SERPINE3: variants seen among roughly 807,000 people sequenced by gnomAD.
The protein encoded by SERPINE3 is serpin E3.
A neutral mutation model predicts 41.7 loss-of-function variants in SERPINE3; 43 were observed. The ratio of observed to expected loss-of-function variants is 1.03; its 90% CI spans 0.81 to 1.33. The LOEUF (loss-of-function observed/expected upper bound fraction) is 1.33, where lower values mean the gene tolerates loss of function less well. SERPINE3 is among the 40% of genes most tolerant of loss of function. SERPINE3 has a pLI of 0.00. For synonymous variants in SERPINE3, 200 were observed against 192.2 expected, an observed-to-expected ratio of 1.04 and a Z score of -0.34; for missense variants, 440 against 491.7, an observed-to-expected ratio of 0.89 and a Z score of 0.99.
intron 7 of SERPINE3, among the ~76,000 whole-genome samples, chr13:51,359,168 C>G (rs1005791108): frequency 2.6e-5 from 4 of 152,012 alleles, no homozygotes; most frequent in Non-Finnish European, 4.4e-5. Flanking sequence ...GCTGTCAACA[C>G]TTCAGGGGAG....
At position 51,355,100 on chromosome 13, in the gene SERPINE3, C is replaced by T. The variant is rs1304587020; in HGVS notation, c.957C>T (p.Thr319=). 7.1e-6 allele frequency: 11 copies of T among 1,551,266 alleles called. No homozygotes were observed. The highest frequency in any genetic ancestry group is 2.7e-5 in the African/African-American group (2 of 73,294). ...LKSILNSWGV[T]DLFDPLKANL... ...GCATTTTAAATTCTTGGGGAGTCAC[C>T]GATCTTTTTGATCCACTCAAAGCTA... is the stretch of plus-strand genomic sequence containing the variant. Residue 319 remains threonine (T), a synonymous_variant, in exon 7 of 10, where the codon ACC becomes ACT. Transcript: ENST00000681248.
chr13:51,351,886 TA>T (rs1955406595), intron 6 of SERPINE3, among the ~76,000 whole-genome samples: 1 of 152,128 alleles, frequency 6.6e-6, no homozygotes. Context: ...TATCATTTGT[TA>T]AAATGATTTT....
intron 7 of SERPINE3, among the ~76,000 whole-genome samples, chr13:51,359,941 G>A (rs935956063): frequency 2.0e-5 from 3 of 152,012 alleles, no homozygotes; most frequent in Non-Finnish European, 4.4e-5. Context: ...TTTAGGACAA[G>A]TGACACTAGT....
At chr13:51,345,468 C>T (rs1483426633) in intron 4 of SERPINE3, among the ~76,000 whole-genome samples, 6 of 151,928 alleles carry the variant, frequency 3.9e-5, no homozygotes, top group African/African-American at 1.5e-4. Flanking sequence ...GTGGCATGTG[C>T]CTGTAATCCC....
Position 51,344,409 on chromosome 13 carries a change from C to G in SERPINE3, c.414C>G (p.Ser138Arg), listed in dbSNP as rs1955325632. 6.2e-7 allele frequency: 1 copy of G among 1,611,198 alleles called. No homozygotes were observed. The highest frequency in any genetic ancestry group is 8.5e-7 in the Non-Finnish European group (1 of 1,178,758). The change falls in exon 4 of 10, where the codon AGC becomes AGG. Residue 138 changes from serine (S) to arginine (R), a missense_variant. By Grantham distance (110) the Ser-to-Arg change is moderately radical (BLOSUM62 -1). Transcript: ENST00000681248. ...ACGTCTCCTGGTGGGCTAACAGCAG[C>G]CTGGAACCAGCCGACCTCAGTGAGC... ...VEHVSWWANS[S>R]LEPADLSEPN...
chr13:51,363,502 C>G (rs1299369252), intron 9 of SERPINE3: 1 of 151,318 alleles, frequency 6.6e-6, no homozygotes, highest in Admixed American at 6.6e-5. Flanking sequence ...ACATGGGAGA[C>G]ATTAAAAAAA....
At chr13:51,360,087 G>A (rs143842950) in intron 7 of SERPINE3, among the ~76,000 whole-genome samples, 7 of 152,034 alleles carry the variant, frequency 4.6e-5, no homozygotes, top group African/African-American at 9.7e-5. Flanking sequence ...ATGGAATGCC[G>A]CATATTCTTT....
intron 9 of SERPINE3, chr13:51,363,417 T>G (rs554789391): frequency 6.6e-6 from 1 of 151,940 alleles, no homozygotes; most frequent in East Asian, 1.9e-4. Flanking sequence ...AGTTTAGAAA[T>G]GAGTCTCAGC....
rs1955513450 is a variant in SERPINE3, at chr13:51,358,374, C to T, written c.1001-2904C>T. ...GAAATGTTGGGACACAATGTTTATA[C>T]AACGTCATGTTTTGAAGACTTTTAA... On this transcript the variant is annotated intron_variant, in intron 7 of 9. Coordinates refer to ENST00000681248, the MANE Select transcript of SERPINE3 (RefSeq NM_001386375.1). 2.0e-5 allele frequency among the ~76,000 whole-genome samples: 3 copies of T among 152,134 alleles called. No individual in the cohort carries two copies. The South Asian group carries it at 6.2e-4, about 31-fold the overall frequency.
chr13:51,341,891 G>C (rs1955295058), intron 3 of SERPINE3, among the ~76,000 whole-genome samples: 2 of 152,172 alleles, frequency 1.3e-5, no homozygotes, highest in Non-Finnish European at 2.9e-5. Flanking sequence ...CAGGCTGCCT[G>C]GTTTAAGAGC....
chr13:51,347,026 TG>T lies in SERPINE3; in HGVS notation c.497del (p.Gly166AlafsTer24). On this transcript the variant is annotated frameshift_variant and splice_region_variant, in exon 5 of 10. Transcript: ENST00000681248. LOFTEE classifies it high-confidence loss of function. ...GCCACCTTGCTTTCCTGCTTGCAGG[TG>T]GGGGCCCCAGTGAGGGCCCTGGTGG... ...SEGASRETAGGGPSEGPGGWP... is the reference protein window; with the variant it reads ...SEGASRETAGXGPSEGPGGWP... The T allele has an allele frequency of 1.3e-6, 2 of 1,574,516 alleles. No homozygotes were observed. The highest frequency in any genetic ancestry group is 1.2e-5 in the South Asian group (1 of 85,924).
chr13:51,363,380 C>A (rs1047920432), intron 9 of SERPINE3: 11 of 151,964 alleles, frequency 7.2e-5, no homozygotes, highest in African/African-American at 2.7e-4. Flanking sequence ...AACACAGTGG[C>A]TGCTCTTCTG....
intron 9 of SERPINE3, 170 bp downstream of exon 9, chr13:51,362,063 C>T (rs1217701060): frequency 1.2e-5 from 19 of 1,570,492 alleles, no homozygotes; most frequent in African/African-American, 4.2e-5. Context: ...GGGACTATTT[C>T]GTAAGTACAA....
chr13:51,348,442 G>A, intron 6 of SERPINE3, 31 bp downstream of exon 6: 2 of 1,590,086 alleles, frequency 1.3e-6, no homozygotes, highest in South Asian at 1.1e-5. Context: ...CACAGGTGCT[G>A]TGCAGCCAGC....
At chr13:51,346,033 C>T (rs1005380047) in intron 4 of SERPINE3, among the ~76,000 whole-genome samples, 1 of 152,198 alleles carries the variant, frequency 6.6e-6, no homozygotes, top group Admixed American at 6.5e-5. Flanking sequence ...CCTTGCCCAA[C>T]TTCTCTGAGC....
intron 5 of SERPINE3, among the ~76,000 whole-genome samples, chr13:51,347,638 T>A (rs1955360951): frequency 6.6e-6 from 1 of 152,156 alleles, no homozygotes; most frequent in Non-Finnish European, 1.5e-5. Flanking sequence ...GTTATCCGCA[T>A]CAGAAAATAT....
rs1203996193 is a variant in SERPINE3 at position 51,361,895 on chromosome 13, T to C, written c.1171+2T>C. ...ATTTCCTGAGAGAACCTAACACAGG[T>C]ATTACAGTATTTTTTGACAGGATTC... On this transcript the variant is annotated splice_donor_variant, in intron 9 of 9. Coordinates refer to ENST00000681248, the MANE Select transcript of SERPINE3 (RefSeq NM_001386375.1). LOFTEE classifies it high-confidence loss of function. 6.2e-7 allele frequency: 1 copy of C among 1,611,500 alleles called. No individual in the cohort carries two copies. The highest frequency in any genetic ancestry group is 1.7e-5 in the Admixed American group (1 of 59,782).
In SERPINE3 at chr13:51,361,831, C is replaced by T; in HGVS notation, c.1109C>T (p.Ser370Phe). Reference protein sequence around the residue: ...GATALLLLKRSRIPIFKADRP... With the variant: ...GATALLLLKRFRIPIFKADRP... ...GCAGCTCTGTTGTTATTGAAAAGGT[C>T]TCGGATTCCTATTTTTAAAGCAGAT... The change falls in exon 9 of 10, where the codon TCT (serine) becomes TTT (phenylalanine). Residue 370 changes from serine (S) to phenylalanine (F), a missense_variant. Transcript: ENST00000681248. The T allele has an allele frequency of 1.9e-6, 3 of 1,610,030 alleles. No individual in the cohort carries two copies. Among genetic ancestry groups the T allele is most frequent in the Non-Finnish European group, 1.7e-6 (2 of 1,178,162 alleles).
At chr13:51,355,498 C>T (rs1566195295) in intron 7 of SERPINE3, among the ~76,000 whole-genome samples, 1 of 152,144 alleles carries the variant, frequency 6.6e-6, no homozygotes, top group African/African-American at 2.4e-5. Flanking sequence ...GTCCCATCAG[C>T]TTCAGTCACC....
Sources: allele counts gnomAD v4.1 joint callset (sites outside exome capture counted in the v4.1 genomes callset), GRCh38; gene constraint gnomAD v4.1.1; transcripts MANE v1.5; gene names NCBI Gene and HGNC (gene_info 2026-07-23, HGNC 2026-07-21).